The following PITPNC1 variants were observed in gnomAD, a reference collection of about 807,000 sequenced individuals.
PITPNC1 encodes the protein cytoplasmic phosphatidylinositol transfer protein 1.
Under a neutral mutation model 44.7 loss-of-function variants are expected in PITPNC1, and 18 were observed. The observed-to-expected ratio is 0.40, with a 90% CI of 0.28 to 0.60. PITPNC1 has a LOEUF of 0.60. Among genes scored for constraint, PITPNC1 ranks in the 20% least tolerant of loss-of-function variants. PITPNC1 has a pLI of 0.39. For missense variants in PITPNC1, 290 were observed against 418.4 expected, an observed-to-expected ratio of 0.69 and a Z score of 2.68; for synonymous variants, 141 against 149.6, an observed-to-expected ratio of 0.94 and a Z score of 0.42.
chr17:67,595,611 C>G (rs1364310574), intron 5 of PITPNC1, among the ~76,000 whole-genome samples: 1 of 152,156 alleles, frequency 6.6e-6, no homozygotes, highest in African/African-American at 2.4e-5. Context: ...ACACAGGGCT[C>G]TGCTTTTTAA....
intron 1 of PITPNC1, among the ~76,000 whole-genome samples, chr17:67,525,578 T>C (rs1187514087): frequency 6.6e-6 from 1 of 152,242 alleles, no homozygotes; most frequent in Non-Finnish European, 1.5e-5. Context: ...CTGGACTCAC[T>C]GGATCTCCTT....
At chr17:67,603,007 C>T (rs1237312872) in intron 5 of PITPNC1, among the ~76,000 whole-genome samples, 1 of 152,092 alleles carries the variant, frequency 6.6e-6, no homozygotes, top group Non-Finnish European at 1.5e-5. Context: ...TCCCGTAGTG[C>T]TGGGATTACA....
intron 8 of PITPNC1, among the ~76,000 whole-genome samples, chr17:67,691,410 C>G (rs182786442): frequency 2.2e-4 from 33 of 152,310 alleles, no homozygotes; most frequent in Admixed American, 1.8e-3. Flanking sequence ...AGTGGTATCA[C>G]TGTCTTATTT....
At chr17:67,454,432 A>G (rs1196743589) in intron 1 of PITPNC1, among the ~76,000 whole-genome samples, 1 of 152,180 alleles carries the variant, frequency 6.6e-6, no homozygotes, top group African/African-American at 2.4e-5. Context: ...GTTGCTGTAT[A>G]GATTAAACAC....
chr17:67,599,961 A>G (rs2041519423), intron 5 of PITPNC1, among the ~76,000 whole-genome samples: 1 of 152,170 alleles, frequency 6.6e-6, no homozygotes, highest in Non-Finnish European at 1.5e-5. Context: ...GGTAGCCTGG[A>G]TTGACTGGAA....
intron 1 of PITPNC1, among the ~76,000 whole-genome samples, chr17:67,528,476 C>A (rs2040418911): frequency 6.6e-6 from 1 of 152,198 alleles, no homozygotes; most frequent in African/African-American, 2.4e-5. Flanking sequence ...GCTTTGGAGG[C>A]TTTAGAATCT....
At chr17:67,523,593 C>G (rs2040355840) in intron 1 of PITPNC1, among the ~76,000 whole-genome samples, 1 of 151,520 alleles carries the variant, frequency 6.6e-6, no homozygotes, top group African/African-American at 2.4e-5. Context: ...AGTAAATCGT[C>G]TAAGGTTACA....
intron 5 of PITPNC1, among the ~76,000 whole-genome samples, chr17:67,591,951 G>A (rs984665620): frequency 6.7e-6 from 1 of 150,258 alleles, no homozygotes; most frequent in East Asian, 1.9e-4. Context: ...GGGCTCGAAT[G>A]ATCCTCCCAC....
intron 1 of PITPNC1, among the ~76,000 whole-genome samples, chr17:67,447,086 T>G (rs2039107358): frequency 2.3e-5 from 1 of 43,890 alleles, no homozygotes; most frequent in African/African-American, 6.5e-5. Context: ...TGAGACTCTG[T>G]CTCAAAAAAA....
At chr17:67,614,113 A>T (rs532669698) in intron 5 of PITPNC1, among the ~76,000 whole-genome samples, 3 of 151,580 alleles carry the variant, frequency 2.0e-5, no homozygotes, top group African/African-American at 4.8e-5. Flanking sequence ...AAAGAAAAAG[A>T]AAAAAGAGCG....
intron 1 of PITPNC1, among the ~76,000 whole-genome samples, chr17:67,434,520 C>T (rs955356090): frequency 4.6e-5 from 7 of 152,092 alleles, no homozygotes; most frequent in Non-Finnish European, 7.4e-5. Context: ...TTTAGAAGCC[C>T]GGAGCTCAGG....
intron 1 of PITPNC1, among the ~76,000 whole-genome samples, chr17:67,405,436 T>G (rs2038381206): frequency 6.6e-6 from 1 of 151,824 alleles, no homozygotes; most frequent in Non-Finnish European, 1.5e-5. Flanking sequence ...AAAATCAAAT[T>G]TAATTTTGTG....
At chr17:67,504,361 T>C (rs2040073705) in intron 1 of PITPNC1, among the ~76,000 whole-genome samples, 1 of 152,244 alleles carries the variant, frequency 6.6e-6, no homozygotes, top group African/African-American at 2.4e-5. Context: ...CTGATCTTTC[T>C]GTTTTCTCAG....
chr17:67,553,542 G>A lies in PITPNC1; in HGVS notation c.287-68G>A, dbSNP rs915692472. On this transcript the variant is annotated intron_variant, in intron 3 of 8. Transcript: ENST00000581322. ...TCTGTGGTTTTTATATTGCATATAA[G>A]CATGATCTAAATCATCTTTTGTCTC... The A allele has an allele frequency of 3.3e-5, 23 of 705,134 alleles. No individual in the cohort carries two copies. The African/African-American group carries it at 3.6e-4, about 11-fold the overall frequency. The allele number at this position is 705,134 out of a possible 1,614,324, so 43.7% of individuals were successfully genotyped here.
chr17:67,625,531 G>A (rs2144320850), intron 5 of PITPNC1, among the ~76,000 whole-genome samples: 1 of 152,280 alleles, frequency 6.6e-6, no homozygotes, highest in East Asian at 1.9e-4. Context: ...TGAAGCCACT[G>A]CTTGTTTTTA....
chr17:67,491,138 G>A (rs900501480), intron 1 of PITPNC1, among the ~76,000 whole-genome samples: 3 of 152,202 alleles, frequency 2.0e-5, no homozygotes, highest in Admixed American at 6.5e-5. Flanking sequence ...CCTCACAGTC[G>A]GCTCAGCCTC....
At chr17:67,652,461 C>A (rs972408804) in intron 6 of PITPNC1, among the ~76,000 whole-genome samples, 1 of 152,114 alleles carries the variant, frequency 6.6e-6, no homozygotes, top group African/African-American at 2.4e-5. Context: ...TCCATCTGGC[C>A]CCAGGGAAAC....
chr17:67,407,177 T>C (rs1277133590), intron 1 of PITPNC1, among the ~76,000 whole-genome samples: 1 of 152,214 alleles, frequency 6.6e-6, no homozygotes, highest in East Asian at 1.9e-4. Flanking sequence ...AGCACTGTAC[T>C]TTCTGTCTTT....
chr17:67,379,087 TCCTC>T (rs1470781805), intron 1 of PITPNC1: 15 of 985,934 alleles, frequency 1.5e-5, no homozygotes, highest in Non-Finnish European at 1.7e-5. Flanking sequence ...TTCCCCTTCT[TCCTC>T]CCCACCTTTG....
Sources: allele counts gnomAD v4.1 joint callset (sites outside exome capture counted in the v4.1 genomes callset), GRCh38; gene constraint gnomAD v4.1.1; transcripts MANE v1.5; gene names NCBI Gene and HGNC (gene_info 2026-07-23, HGNC 2026-07-21).